The following GNA13 variants were observed in gnomAD, a reference collection of about 807,000 sequenced individuals.
The protein encoded by GNA13 is G protein subunit alpha 13, also known as guanine nucleotide-binding protein subunit alpha-13.
In GNA13, 4 loss-of-function variants were observed where a neutral mutation model predicts 33.5. The ratio of observed to expected loss-of-function variants is 0.12; its 90% CI spans 0.06 to 0.27. The LOEUF is 0.27. Ranked by LOEUF, GNA13 falls within the 10% of genes least tolerant of loss-of-function variation. The pLI is 1.00. For synonymous variants in GNA13, 176 were observed against 183.8 expected, an observed-to-expected ratio of 0.96 and a Z score of 0.34; for missense variants, 319 against 487.2, an observed-to-expected ratio of 0.65 and a Z score of 3.25.
At chr17:65,041,876 C>T (rs1245153385) in intron 2 of GNA13, among the ~76,000 whole-genome samples, 2 of 152,132 alleles carry the variant, frequency 1.3e-5, no homozygotes, top group African/African-American at 2.4e-5. Context: ...CAAATGTCAT[C>T]GTGATGAGAA....
chr17:65,019,435 T>C (rs139989218), intron 2 of GNA13, among the ~76,000 whole-genome samples: 13 of 152,254 alleles, frequency 8.5e-5, no homozygotes, highest in African/African-American at 3.1e-4. Context: ...CATCAACAGA[T>C]GAATGGGTAA....
Position 65,014,170 on chromosome 17 carries a change from T to A in GNA13, c.*87A>T, listed in dbSNP as rs1162642400. ...CGTAGAATTAAGATTGTTCTAATTC[T>A]GGTTGTAAACTGCTATTTTAAAAAA... is the stretch of plus-strand genomic sequence containing the variant. On this transcript the variant is annotated 3_prime_UTR_variant, in exon 4 of 4. Coordinates refer to ENST00000439174, the MANE Select transcript of GNA13 (RefSeq NM_006572.6). The surrounding 1 kb of genome is among the most constrained non-coding windows in gnomAD (Gnocchi z 5.3). 3 of 735,056 alleles carry A rather than the reference T, an allele frequency of 4.1e-6. No homozygotes were observed. The highest frequency in any genetic ancestry group is 6.9e-6 in the Non-Finnish European group (3 of 435,548). 45.5% of individuals were successfully genotyped at this position (735,056 alleles called of 1,614,324 possible). A position where few individuals can be genotyped will look rare whatever the true frequency, so the allele number is the denominator to read the frequency against.
chr17:65,016,644 G>A (rs1906381232), intron 3 of GNA13, among the ~76,000 whole-genome samples: 1 of 152,224 alleles, frequency 6.6e-6, no homozygotes, highest in African/African-American at 2.4e-5. Context: ...TTATAGGCGT[G>A]AGCCACTGCA....
intron 2 of GNA13, among the ~76,000 whole-genome samples, chr17:65,023,819 TTAAC>T (rs2143782984): frequency 6.6e-6 from 1 of 152,322 alleles, no homozygotes; most frequent in South Asian, 2.1e-4. Context: ...CAAAATCCAT[TTAAC>T]TACGCAAATG....
chr17:65,016,963 T>G (rs894344466), intron 3 of GNA13, among the ~76,000 whole-genome samples: 1 of 152,222 alleles, frequency 6.6e-6, no homozygotes, highest in Non-Finnish European at 1.5e-5. Flanking sequence ...CCCCTACTAG[T>G]GGTCATTAAG....
rs541042192 is a variant in GNA13 at position 65,043,397 on chromosome 17, T to G, written c.510+10105A>C. ...TGCCTCCCAGGGTCAAGCAGTCCTCTTGTTTCAGACCCCCGAGTAGCTGGG... is the reference window on the plus strand; with the variant it reads ...TGCCTCCCAGGGTCAAGCAGTCCTCGTGTTTCAGACCCCCGAGTAGCTGGG... On this transcript the variant is annotated intron_variant, in intron 2 of 3. Coordinates refer to ENST00000439174, the MANE Select transcript of GNA13 (RefSeq NM_006572.6). 4.6e-5 allele frequency among the ~76,000 whole-genome samples: 7 copies of G among 152,138 alleles called. No homozygotes were observed. In the South Asian group the frequency reaches 1.5e-3, roughly 32 times the overall value.
At chr17:65,042,511 C>A (rs947661933) in intron 2 of GNA13, among the ~76,000 whole-genome samples, 3 of 151,938 alleles carry the variant, frequency 2.0e-5, no homozygotes, top group African/African-American at 2.4e-5. Context: ...CTGAGGTGGG[C>A]AGATCAATTG....
intron 2 of GNA13, among the ~76,000 whole-genome samples, chr17:65,047,743 C>T (rs1907719129): frequency 6.6e-6 from 1 of 151,930 alleles, no homozygotes; most frequent in Non-Finnish European, 1.5e-5. Context: ...AGCAATCCTC[C>T]TGTCTCCCCA....
chr17:65,014,547 T>C lies in GNA13; in HGVS notation c.844A>G (p.Ser282Gly), dbSNP rs1158712747. The C allele has an allele frequency of 6.2e-6, 10 of 1,614,078 alleles. No individual in the cohort carries two copies. Among genetic ancestry groups the C allele is most frequent in the African/African-American group, 2.7e-5 (2 of 74,912 alleles). Reference sequence around the variant, plus strand: ...AAGAACAGAATTATGGAGACATTGCTGAAAACCCGGTTATTGACGATTGTT... The same window carrying C: ...AAGAACAGAATTATGGAGACATTGCCGAAAACCCGGTTATTGACGATTGTT... ...FETIVNNRVFSNVSIILFLNK... is the reference protein window; with the variant it reads ...FETIVNNRVFGNVSIILFLNK... The change falls in exon 4 of 4, where the codon AGC (serine) becomes GGC (glycine). Residue 282 changes from serine (S) to glycine (G), a missense_variant. By Grantham distance (56) the Ser-to-Gly change is moderately conservative. Transcript: ENST00000439174. This position sits in a 1 kb window ranked among gnomAD's most constrained non-coding sequence, Gnocchi z 5.3.
chr17:65,040,173 A>C (rs1282315298), intron 2 of GNA13, among the ~76,000 whole-genome samples: 4 of 152,200 alleles, frequency 2.6e-5, no homozygotes, highest in African/African-American at 9.6e-5. Flanking sequence ...CTAAACTATT[A>C]AACAAAACAC....
At chr17:65,023,526 C>T (rs1213128884) in intron 2 of GNA13, among the ~76,000 whole-genome samples, 1 of 152,232 alleles carries the variant, frequency 6.6e-6, no homozygotes. Flanking sequence ...TTAGGGCAGA[C>T]TTGATTTGAT....
rs566332729 is a variant in GNA13 at position 65,014,994 on chromosome 17, T to C, written c.562-165A>G. 2.5e-4 allele frequency among the ~76,000 whole-genome samples: 38 copies of C among 152,324 alleles called. No homozygotes were observed. The South Asian group carries it at 4.1e-3, about 17-fold the overall frequency. ...ATAAAATGCCAAGACTGGTCAGACATGGTGGGTCATGCCTATAATCCCAGC... is the reference window on the plus strand; with the variant it reads ...ATAAAATGCCAAGACTGGTCAGACACGGTGGGTCATGCCTATAATCCCAGC... On this transcript the variant is annotated intron_variant, in intron 3 of 3. Coordinates refer to ENST00000439174, the MANE Select transcript of GNA13 (RefSeq NM_006572.6). This position sits in a 1 kb window ranked among gnomAD's most constrained non-coding sequence, Gnocchi z 5.3.
At chr17:65,037,795 A>AAAAAAAAAAAAAAAAAAAAAAC (rs1567824035) in intron 2 of GNA13, among the ~76,000 whole-genome samples, 1 of 150,078 alleles carries the variant, frequency 6.7e-6, no homozygotes, top group Non-Finnish European at 1.5e-5. Flanking sequence ...AAAAAAAAAA[A>AAAAAAAAAAAAAAAAAAAAAAC]AAAAAGACAA....
chr17:65,009,859 T>C lies in GNA13; in HGVS notation c.*4398A>G, dbSNP rs1906116890. On this transcript the variant is annotated 3_prime_UTR_variant, in exon 4 of 4. Transcript: ENST00000439174. ...ATCAAACAGGCATGATTAAGGACAA[T>C]TTCTCACTTACTATGGCAAAAAATA... 6.6e-6 allele frequency among the ~76,000 whole-genome samples: 1 copy of C among 152,180 alleles called. No individual in the cohort carries two copies. Among genetic ancestry groups the C allele is most frequent in the African/African-American group, 2.4e-5 (1 of 41,454 alleles).
At chr17:65,025,261 T>C (rs1906734016) in intron 2 of GNA13, among the ~76,000 whole-genome samples, 1 of 152,198 alleles carries the variant, frequency 6.6e-6, no homozygotes, top group African/African-American at 2.4e-5. Flanking sequence ...CAAGAAACTA[T>C]CAGGCCTTCT....
intron 1 of GNA13, 62 bp downstream of exon 1, chr17:65,056,249 G>GCCCCCCCCCCCCCCCCCCCCCCCCCCCC: frequency 1.3e-6 from 1 of 774,834 alleles, no homozygotes; most frequent in Non-Finnish European, 2.0e-6. Context: ...GCCCCGCCCC[G>GCCCCCCCCCCCCCCCCCCCCCCCCCCCC]CACCCGCCGC....
rs1044690107 is a variant in GNA13 at position 65,011,831 on chromosome 17, T to C, written c.*2426A>G. The C allele has an allele frequency of 4.8e-5, 11 of 228,048 alleles. No homozygotes were observed. In the East Asian group the frequency reaches 7.0e-4, roughly 14 times the overall value. 14.1% of individuals were successfully genotyped at this position (228,048 alleles called of 1,614,324 possible). On this transcript the variant is annotated 3_prime_UTR_variant, in exon 4 of 4. Coordinates refer to ENST00000439174, the MANE Select transcript of GNA13 (RefSeq NM_006572.6). Reference sequence around the variant, plus strand: ...TTTCAATTCTGTTCACTAAATTTCATCTCTCTCTTCATATAGTGGTATTTC... The same window carrying C: ...TTTCAATTCTGTTCACTAAATTTCACCTCTCTCTTCATATAGTGGTATTTC...
At chr17:65,031,709 G>A (rs1907018093) in intron 2 of GNA13, among the ~76,000 whole-genome samples, 1 of 152,050 alleles carries the variant, frequency 6.6e-6, no homozygotes, top group South Asian at 2.1e-4. Flanking sequence ...CATATGCTTG[G>A]GGAAAGCTAT....
chr17:65,042,701 C>T (rs1907505304), intron 2 of GNA13, among the ~76,000 whole-genome samples: 3 of 151,998 alleles, frequency 2.0e-5, no homozygotes, highest in Admixed American at 2.0e-4. Context: ...CGCGCCACTG[C>T]ACTCCAGCCT....
Sources: allele counts gnomAD v4.1 joint callset (sites outside exome capture counted in the v4.1 genomes callset), GRCh38; gene constraint gnomAD v4.1.1; non-coding constraint Gnocchi (gnomAD v3.1); transcripts MANE v1.5; gene names NCBI Gene and HGNC (gene_info 2026-07-23, HGNC 2026-07-21).